CLEC16A: variants seen among roughly 807,000 people sequenced by gnomAD.
The protein encoded by CLEC16A is protein CLEC16A.
Under a neutral mutation model 109.5 loss-of-function variants are expected in CLEC16A, and 51 were observed. That is an observed-to-expected ratio of 0.47 (90% CI 0.37 to 0.59). CLEC16A has a LOEUF of 0.59. Among genes scored for constraint, CLEC16A ranks in the 20% least tolerant of loss-of-function variants. CLEC16A has a pLI of 0.00. For synonymous variants in CLEC16A, 673 were observed against 564.2 expected (o/e 1.19, Z -2.73); for missense variants, 1,339 against 1,394.0 (o/e 0.96, Z 0.63).
At position 11,166,396 on chromosome 16, in the gene CLEC16A, G is replaced by A. The variant is rs74163624; in HGVS notation, c.2650G>A (p.Val884Met). 37 of 1,599,312 alleles carry A rather than the reference G, an allele frequency of 2.3e-5. No individual in the cohort carries two copies. Among genetic ancestry groups the A allele is most frequent in the East Asian group, 6.7e-5 (3 of 44,558 alleles). Residue 884 changes from valine (V) to methionine (M), a missense_variant, in exon 23 of 24, where the codon GTG becomes ATG. Around this residue, in one of 3 missense-constraint regions of CLEC16A, gnomAD observed 1,061 missense variants for 1,006.8 expected, o/e 1.05. Coordinates refer to ENST00000409790, the MANE Select transcript of CLEC16A (RefSeq NM_015226.3). The stretch of plus-strand genomic sequence containing the variant: ...GGTACTTTGTCTTGCAGGCTTCGCC[G>A]TGGCCCAGTGCATAAACCAGCACAG... Reference protein sequence around the residue: ...ASVDKVPGFAVAQCINQHSSP... With the variant: ...ASVDKVPGFAMAQCINQHSSP...
intron 22 of CLEC16A, among the ~76,000 whole-genome samples, chr16:11,142,550 A>G (rs1031105055): frequency 1.3e-5 from 2 of 152,238 alleles, no homozygotes; most frequent in Non-Finnish European, 2.9e-5. Context: ...TCTTTTAAAA[A>G]TCATAATAAG....
At chr16:11,092,072 C>T (rs2050334337) in intron 19 of CLEC16A, among the ~76,000 whole-genome samples, 2 of 152,138 alleles carry the variant, frequency 1.3e-5, no homozygotes, top group South Asian at 4.1e-4. Context: ...AGGCCAAGCA[C>T]AGTGGCTCAC....
At chr16:11,141,001 T>C (rs2153065926) in intron 22 of CLEC16A, among the ~76,000 whole-genome samples, 1 of 152,314 alleles carries the variant, frequency 6.6e-6, no homozygotes, top group Non-Finnish European at 1.5e-5. Context: ...TATCGTAGTG[T>C]CATAATGGCC....
intron 22 of CLEC16A, among the ~76,000 whole-genome samples, chr16:11,145,697 G>T (rs911092336): frequency 2.0e-5 from 3 of 152,248 alleles, no homozygotes; most frequent in African/African-American, 7.2e-5. Flanking sequence ...GATTTGGCCC[G>T]CAGGGCATTG....
intron 11 of CLEC16A, among the ~76,000 whole-genome samples, chr16:11,014,425 G>A (rs1472528485): frequency 2.6e-5 from 4 of 152,206 alleles, no homozygotes; most frequent in Non-Finnish European, 4.4e-5. Flanking sequence ...ATGTGCAGTT[G>A]CATACTTCCA....
intron 13 of CLEC16A, among the ~76,000 whole-genome samples, chr16:11,037,619 G>T (rs2047094463): frequency 6.6e-6 from 1 of 152,178 alleles, no homozygotes; most frequent in African/African-American, 2.4e-5. Flanking sequence ...TCAAGGCCTG[G>T]TCCTAGTTTG....
At chr16:11,050,132 C>T (rs1055979773) in intron 17 of CLEC16A, among the ~76,000 whole-genome samples, 9 of 152,230 alleles carry the variant, frequency 5.9e-5, no homozygotes, top group African/African-American at 2.2e-4. Flanking sequence ...CCACATCATC[C>T]CATGGTAGAA....
At chr16:11,154,074 G>A (rs2054405872) in intron 22 of CLEC16A, among the ~76,000 whole-genome samples, 1 of 152,228 alleles carries the variant, frequency 6.6e-6, no homozygotes, top group Non-Finnish European at 1.5e-5. Context: ...ACACAGGTGT[G>A]TACACACGCA....
rs528227087 is a variant in CLEC16A at position 11,112,109 on chromosome 16, G to C, written c.2117-8506G>C. The stretch of plus-strand genomic sequence containing the variant: ...TGTCTCAGTGCCGATGTGCCATCAG[G>C]AAGTGTCAAAAGTACAATGTAGGCA... On this transcript the variant is annotated intron_variant, in intron 19 of 23. Transcript: ENST00000409790. Among the ~76,000 whole-genome samples, 6 of 152,324 alleles carry C rather than the reference G, an allele frequency of 3.9e-5. No homozygotes were observed. In the East Asian group the frequency reaches 1.2e-3, roughly 29 times the overall value.
At chr16:10,986,614 C>A in intron 10 of CLEC16A, among the ~76,000 whole-genome samples, 1 of 152,054 alleles carries the variant, frequency 6.6e-6, no homozygotes, top group Non-Finnish European at 1.5e-5. Context: ...TTAGATACCT[C>A]GTATAAGTAG....
At chr16:11,042,412 G>A in intron 15 of CLEC16A, 49 bp downstream of exon 15, 1 of 1,399,830 alleles carries the variant, frequency 7.1e-7, no homozygotes, top group Non-Finnish European at 9.8e-7. Context: ...GAGAGGGACA[G>A]GAGGACAGGA....
intron 22 of CLEC16A, among the ~76,000 whole-genome samples, chr16:11,139,431 C>A (rs1200727491): frequency 6.6e-6 from 1 of 152,212 alleles, no homozygotes; most frequent in Admixed American, 6.5e-5. Context: ...ATGCTTTTCT[C>A]CAAAAACACA....
chr16:11,054,623 T>C (rs1300216727), intron 18 of CLEC16A, among the ~76,000 whole-genome samples: 1 of 152,218 alleles, frequency 6.6e-6, no homozygotes, highest in Non-Finnish European at 1.5e-5. Context: ...GAGGCCAGGC[T>C]ACCTCAAAGC....
intron 22 of CLEC16A, among the ~76,000 whole-genome samples, chr16:11,139,807 G>A (rs1201301679): frequency 2.0e-5 from 3 of 152,184 alleles, no homozygotes; most frequent in Admixed American, 2.0e-4. Context: ...GTAAAATTCA[G>A]GCTCATGGCA....
chr16:11,131,454 A>C (rs775958535), intron 22 of CLEC16A, among the ~76,000 whole-genome samples: 1 of 152,104 alleles, frequency 6.6e-6, no homozygotes, highest in Admixed American at 6.5e-5. Flanking sequence ...CTGGGCTCCT[A>C]CTGGCCCAGA....
chr16:11,020,347 G>C (rs781113229), intron 12 of CLEC16A, 22 bp downstream of exon 12: 1 of 1,590,326 alleles, frequency 6.3e-7, no homozygotes, highest in South Asian at 1.1e-5. Context: ...AGAGGTCGAT[G>C]CTGAGTGCTC....
chr16:10,995,412 CA>C (rs2152734116), intron 10 of CLEC16A, among the ~76,000 whole-genome samples: 1 of 152,282 alleles, frequency 6.6e-6, no homozygotes, highest in East Asian at 1.9e-4. Context: ...GAAGGTTAGC[CA>C]GGGGCCCAGG....
At chr16:11,120,834 A>AC in intron 20 of CLEC16A, 68 bp downstream of exon 20, 4 of 1,203,760 alleles carry the variant, frequency 3.3e-6, no homozygotes, top group Non-Finnish European at 4.4e-6. Flanking sequence ...ACACACACAC[A>AC]CACACCACAC....
intron 11 of CLEC16A, among the ~76,000 whole-genome samples, chr16:11,016,452 G>A (rs1159938396): frequency 1.3e-5 from 2 of 151,298 alleles, no homozygotes; most frequent in East Asian, 1.9e-4. Context: ...GGGTTCAAGC[G>A]ATTCTCATGC....
Sources: gnomAD v4.1 joint callset for allele counts (sites outside exome capture counted in the v4.1 genomes callset) on GRCh38, gnomAD v4.1.1 for gene constraint, gnomAD v4.1.1 regional missense constraint, MANE v1.5 for transcripts, NCBI Gene and HGNC (gene_info 2026-07-23, HGNC 2026-07-21) for gene names.